CFH: variants seen among roughly 807,000 people sequenced by gnomAD.
The protein encoded by CFH is H factor 1 (complement).
In CFH, 53 loss-of-function variants were observed where a neutral mutation model predicts 147.3. The ratio of observed to expected loss-of-function variants is 0.36; its 90% CI spans 0.29 to 0.45. The LOEUF is 0.45. Among genes scored for constraint, CFH ranks in the 20% least tolerant of loss-of-function variants. CFH has a pLI of 1.00. For synonymous variants in CFH, 536 were observed against 489.4 expected (o/e 1.10, Z -1.26); for missense variants, 1,380 against 1,498.0 (o/e 0.92, Z 1.30).
chr1:196,737,097 C>A, intron 16 of CFH, 91 bp downstream of exon 16: 1 of 1,106,872 alleles, frequency 9.0e-7, no homozygotes, highest in Non-Finnish European at 1.3e-6. Context: ...AGTTCTTTCT[C>A]TGTGTCTATT....
intron 9 of CFH, among the ~76,000 whole-genome samples, chr1:196,694,203 T>C (rs1439027128): frequency 2.0e-5 from 3 of 152,192 alleles, no homozygotes; most frequent in East Asian, 1.9e-4. Flanking sequence ...CCCCTCCCTA[T>C]GTCCATGTGT....
intron 20 of CFH, among the ~76,000 whole-genome samples, 190 bp downstream of exon 20, chr1:196,743,818 T>C (rs1462374295): frequency 6.6e-6 from 1 of 152,132 alleles, no homozygotes; most frequent in Non-Finnish European, 1.5e-5. Flanking sequence ...TCCAGAAAGA[T>C]TCGACCAAAT....
At chr1:196,702,789 C>T (rs1668492532) in intron 9 of CFH, among the ~76,000 whole-genome samples, 1 of 152,116 alleles carries the variant, frequency 6.6e-6, no homozygotes, top group Non-Finnish European at 1.5e-5. Context: ...TAGATCTAAC[C>T]TTGAACACTA....
intron 19 of CFH, among the ~76,000 whole-genome samples, chr1:196,742,408 T>A (rs1238653349): frequency 6.6e-6 from 1 of 152,076 alleles, no homozygotes; most frequent in Non-Finnish European, 1.5e-5. Context: ...TAAATAAATA[T>A]ATAAGTACAA....
chr1:196,728,714 AACACACACACACACACACGCACAC>A, intron 15 of CFH, among the ~76,000 whole-genome samples, 192 bp downstream of exon 15: 1 of 145,302 alleles, frequency 6.9e-6, no homozygotes, highest in Admixed American at 7.2e-5. Context: ...CTTTAGTATA[AACACACACACACACACACGCACAC>A]ACACACACAC....
At chr1:196,674,004 A>T (rs1421260449) in intron 3 of CFH, 42 bp downstream of exon 3, 20 of 1,283,984 alleles carry the variant, frequency 1.6e-5, no homozygotes, top group Non-Finnish European at 2.2e-5. Context: ...TTAAGATAGT[A>T]AATAGGAACT....
chr1:196,734,581 C>T (rs1669357460), intron 15 of CFH, among the ~76,000 whole-genome samples: 1 of 151,944 alleles, frequency 6.6e-6, no homozygotes, highest in Admixed American at 6.6e-5. Flanking sequence ...TAGGGGGTTG[C>T]AGGAGGCTTT....
intron 15 of CFH, among the ~76,000 whole-genome samples, chr1:196,730,555 G>A (rs1030495770): frequency 2.0e-5 from 3 of 151,526 alleles, no homozygotes; most frequent in African/African-American, 7.3e-5. Context: ...GTGTTTTTTT[G>A]TTATGTGGAA....
intron 11 of CFH, among the ~76,000 whole-genome samples, chr1:196,724,312 A>G (rs181327380): frequency 6.6e-6 from 1 of 152,060 alleles, no homozygotes; most frequent in African/African-American, 2.4e-5. Context: ...GGTAGGAAAC[A>G]GTCCCCACAT....
intron 7 of CFH, among the ~76,000 whole-genome samples, chr1:196,688,478 G>A (rs541297968): frequency 6.6e-6 from 1 of 152,058 alleles, no homozygotes; most frequent in Non-Finnish European, 1.5e-5. Flanking sequence ...TGGAGAACTT[G>A]GCTTAATGAA....
intron 9 of CFH, among the ~76,000 whole-genome samples, chr1:196,704,542 C>T (rs1372860759): frequency 2.0e-5 from 3 of 152,202 alleles, no homozygotes; most frequent in East Asian, 1.9e-4. Flanking sequence ...AGTGCCTGCA[C>T]CCCTGAAGAG....
intron 17 of CFH, among the ~76,000 whole-genome samples, chr1:196,739,875 T>G (rs1652750172): frequency 6.6e-6 from 1 of 152,322 alleles, no homozygotes; most frequent in African/African-American, 2.4e-5. Flanking sequence ...TACCCAAGAC[T>G]GCATAATTTA....
intron 10 of CFH, among the ~76,000 whole-genome samples, chr1:196,714,312 G>A (rs1668794436): frequency 1.3e-5 from 2 of 151,826 alleles, no homozygotes; most frequent in South Asian, 4.2e-4. Flanking sequence ...GATGCCTAGT[G>A]CATAACATCA....
intron 3 of CFH, among the ~76,000 whole-genome samples, chr1:196,675,247 G>C (rs931807757): frequency 1.3e-5 from 2 of 152,060 alleles, no homozygotes; most frequent in African/African-American, 2.4e-5. Flanking sequence ...TATTCAAGTA[G>C]AGCATTTTTT....
chr1:196,709,253 T>A (rs1463530180), intron 9 of CFH, among the ~76,000 whole-genome samples: 2 of 152,166 alleles, frequency 1.3e-5, no homozygotes, highest in East Asian at 3.9e-4. Context: ...TTTCAAGGAC[T>A]CTTGAAGTTC....
chr1:196,690,450 G>A, intron 9 of CFH: 1 of 670,662 alleles, frequency 1.5e-6, no homozygotes, highest in Non-Finnish European at 2.6e-6. Context: ...TCCTATTAAT[G>A]GGCATTAGTC....
chr1:196,676,008 A>G lies in CFH; in HGVS notation c.370A>G (p.Ile124Val), dbSNP rs759999515. ...CNEGYQLLGE[I>V]NYRECDTDGW... ...TTTCAGGTATCAATTGCTAGGTGAG[A>G]TTAATTACCGTGAATGTGACACAGA... is the stretch of plus-strand genomic sequence containing the variant. The change falls in exon 4 of 22, where the codon ATT becomes GTT. Residue 124 changes from isoleucine (I) to valine (V), a missense_variant. Physicochemically the swap from Ile to Val is conservative, Grantham distance 29. This residue lies in a region of CFH where 260 missense variants were observed against 263.3 expected (regional missense o/e 0.99). Transcript: ENST00000367429. The G allele has an allele frequency of 6.2e-7, 1 of 1,610,762 alleles. No homozygotes were observed. Among genetic ancestry groups the G allele is most frequent in the Non-Finnish European group, 8.5e-7 (1 of 1,177,496 alleles).
intron 9 of CFH, 185 bp downstream of exon 9, chr1:196,690,424 A>T: frequency 1.3e-6 from 1 of 787,150 alleles, no homozygotes; most frequent in Non-Finnish European, 2.2e-6. Flanking sequence ...TGATAAGTAC[A>T]TAGTAAAATA....
chr1:196,733,591 TA>T (rs1225430757), intron 15 of CFH, among the ~76,000 whole-genome samples: 1 of 152,054 alleles, frequency 6.6e-6, no homozygotes, highest in Non-Finnish European at 1.5e-5. Context: ...TGGAAGTGCT[TA>T]CACACCCATA....
Sources: allele counts gnomAD v4.1 joint callset (sites outside exome capture counted in the v4.1 genomes callset), GRCh38; gene constraint gnomAD v4.1.1; regional missense constraint gnomAD v4.1.1; transcripts MANE v1.5; gene names NCBI Gene and HGNC (gene_info 2026-07-23, HGNC 2026-07-21).